IL7: variants seen among roughly 807,000 people sequenced by gnomAD.
The protein encoded by IL7 is interleukin-7.
In IL7, 3 loss-of-function variants were observed where a neutral mutation model predicts 21.6. The observed-to-expected ratio is 0.14, with a 90% CI of 0.06 to 0.36. The LOEUF is 0.36. IL7 is among the 10% of genes least tolerant of loss of function. The pLI is 1.00. For synonymous variants in IL7, 62 were observed against 68.1 expected (o/e 0.91, Z 0.44); for missense variants, 175 against 200.2 (o/e 0.87, Z 0.76).
At chr8:78,777,012 A>G (rs538437843) in intron 2 of IL7, among the ~76,000 whole-genome samples, 85 of 152,174 alleles carry the variant, frequency 5.6e-4, no homozygotes, top group Non-Finnish European at 1.1e-3. Context: ...CTCAATACCA[A>G]TGATGGTCTT....
chr8:78,794,431 G>T (rs1468040846), intron 2 of IL7, among the ~76,000 whole-genome samples: 4 of 152,070 alleles, frequency 2.6e-5, no homozygotes, highest in African/African-American at 9.7e-5. Context: ...GTAATATTTT[G>T]CTAAAACTTA....
downstream of IL7, chr8:78,717,503 C>CG: frequency 1.6e-6 from 2 of 1,256,620 alleles, no homozygotes; most frequent in Non-Finnish European, 2.1e-6. Flanking sequence ...AATAGAATCT[C>CG]AAAAAAAAAA....
downstream of IL7, among the ~76,000 whole-genome samples, chr8:78,731,601 ACTTAAAGCATTTAAAT>A (rs1811425757): frequency 6.6e-6 from 1 of 151,864 alleles, no homozygotes; most frequent in Non-Finnish European, 1.5e-5. Flanking sequence ...GAAAATGCTG[ACTTAAAGCATTTAAAT>A]ATATATTTAA....
downstream of IL7, among the ~76,000 whole-genome samples, chr8:78,730,890 A>T (rs1177315586): frequency 6.6e-6 from 1 of 152,026 alleles, no homozygotes; most frequent in East Asian, 1.9e-4. Flanking sequence ...CATTAATATT[A>T]TCTAGAATTA....
chr8:78,805,111 G>T lies in IL7; in HGVS notation c.-189C>A. ...CAGTTTCATCCATCCCAAGGGGGGC[G>T]GCACACACTACGGCGTGGCTCTGCG... On this transcript the variant is annotated 5_prime_UTR_variant, in exon 1 of 6. Coordinates refer to ENST00000263851, the MANE Select transcript of IL7 (RefSeq NM_000880.4). The T allele has an allele frequency of 1.7e-6, 1 of 579,584 alleles. No homozygotes were observed. The highest frequency in any genetic ancestry group is 3.3e-5 in the Admixed American group (1 of 30,410). 35.9% of individuals were successfully genotyped at this position (579,584 alleles called of 1,614,324 possible). A position where few individuals can be genotyped will look rare whatever the true frequency, so the allele number is the denominator to read the frequency against.
At chr8:78,771,262 C>T (rs1812939904) in intron 2 of IL7, among the ~76,000 whole-genome samples, 2 of 149,252 alleles carry the variant, frequency 1.3e-5, no homozygotes, top group South Asian at 4.2e-4. Context: ...AAGTTAATAC[C>T]ACTTCCAGCT....
chr8:78,744,215 AC>A (rs1300060888), intron 2 of IL7, among the ~76,000 whole-genome samples: 6 of 149,954 alleles, frequency 4.0e-5, no homozygotes, highest in Non-Finnish European at 7.4e-5. Context: ...ATGTCAGCCC[AC>A]CCCTCCCTCT....
chr8:78,711,873 A>G, intron 3 of IL7: 2 of 502,448 alleles, frequency 4.0e-6, no homozygotes, highest in South Asian at 3.6e-5. Context: ...CAGTCAGATA[A>G]AATTAAGGAC....
At chr8:78,758,442 G>A (rs150213333) in intron 2 of IL7, among the ~76,000 whole-genome samples, 8 of 151,884 alleles carry the variant, frequency 5.3e-5, no homozygotes, top group Admixed American at 1.3e-4. Context: ...TGCTCTACCC[G>A]TGAGTTTAAT....
At chr8:78,761,387 A>C (rs561841264) in intron 2 of IL7, 304 of 1,611,960 alleles carry the variant, frequency 1.9e-4, no homozygotes, top group Admixed American at 3.8e-4. Context: ...TTTCTCTAAA[A>C]GTCTAGAAGC....
In IL7 at chr8:78,694,502, C is replaced by A. The variant is rs574127528; in HGVS notation, n.215-8555G>T. Among the ~76,000 whole-genome samples the A allele has an allele frequency of 7.2e-5, 11 of 152,180 alleles. No homozygotes were observed. The South Asian group carries it at 2.1e-3, about 29-fold the overall frequency. On this transcript the variant is annotated intron_variant and non_coding_transcript_variant, in intron 3 of 4. Coordinates refer to the IL7 transcript ENST00000523959. ...TTATTGGCTTAGTTTGCTTGACCAGCCTAATAATGCAAATTTATACAGCAA... is the reference window on the plus strand; with the variant it reads ...TTATTGGCTTAGTTTGCTTGACCAGACTAATAATGCAAATTTATACAGCAA...
intron 3 of IL7, among the ~76,000 whole-genome samples, chr8:78,696,392 C>T (rs557237553): frequency 6.6e-6 from 1 of 152,192 alleles, no homozygotes; most frequent in Non-Finnish European, 1.5e-5. Context: ...ATTCCAAGCA[C>T]ATATGCAAGT....
intron 5 of IL7, among the ~76,000 whole-genome samples, chr8:78,734,261 C>T (rs1312262572): frequency 6.6e-6 from 1 of 152,084 alleles, no homozygotes; most frequent in Non-Finnish European, 1.5e-5. Flanking sequence ...GGAACTTGTA[C>T]CCTAAGGTCT....
intron 4 of IL7, chr8:78,679,515 A>T (rs1208306797): frequency 6.6e-6 from 1 of 152,090 alleles, no homozygotes; most frequent in Non-Finnish European, 1.5e-5. Context: ...TTTTCCTGAA[A>T]GTTTCTGATT....
intron 4 of IL7, among the ~76,000 whole-genome samples, chr8:78,680,032 A>T (rs1809717377): frequency 6.6e-6 from 1 of 152,158 alleles, no homozygotes; most frequent in Non-Finnish European, 1.5e-5. Context: ...TCACTTTGCT[A>T]CATACCGTAT....
intron 2 of IL7, among the ~76,000 whole-genome samples, chr8:78,768,303 G>C (rs896451659): frequency 3.3e-5 from 5 of 152,066 alleles, no homozygotes; most frequent in African/African-American, 9.7e-5. Flanking sequence ...GGATGGCTGG[G>C]TAAAATGGTA....
chr8:78,767,891 T>A (rs980772898), intron 2 of IL7, among the ~76,000 whole-genome samples: 5 of 152,070 alleles, frequency 3.3e-5, no homozygotes, highest in Non-Finnish European at 5.9e-5. Flanking sequence ...ATTTAGCATT[T>A]GGTATATCTC....
chr8:78,736,568 C>T (rs1811602712), intron 4 of IL7, 41 bp from the exon 5 acceptor site: 1 of 1,285,732 alleles, frequency 7.8e-7, no homozygotes. Context: ...AATATTTCTT[C>T]ATTGCTCCTC....
At chr8:78,702,477 T>A (rs1810636306) in intron 3 of IL7, among the ~76,000 whole-genome samples, 1 of 152,216 alleles carries the variant, frequency 6.6e-6, no homozygotes, top group South Asian at 2.1e-4. Flanking sequence ...TTAGCTCTGA[T>A]TTTGACTATT....
Sources: gnomAD v4.1 joint callset for allele counts (sites outside exome capture counted in the v4.1 genomes callset) on GRCh38, gnomAD v4.1.1 for gene constraint, MANE v1.5 for transcripts, NCBI Gene and HGNC (gene_info 2026-07-23, HGNC 2026-07-21) for gene names.